GPRC5B: variants seen among roughly 807,000 people sequenced by gnomAD.
GPRC5B encodes G protein-coupled receptor class C group 5 member B, also known as G protein-coupled receptor family C group 5 member B.
Under a neutral mutation model 30.1 loss-of-function variants are expected in GPRC5B, and 16 were observed. The ratio of observed to expected loss-of-function variants is 0.53; its 90% confidence interval spans 0.36 to 0.81. The LOEUF (loss-of-function observed/expected upper bound fraction) is 0.81. Among genes scored for constraint, GPRC5B ranks in the 30% least tolerant of loss-of-function variants. The pLI, the probability that GPRC5B is intolerant of heterozygous loss-of-function variation, is 0.01. For synonymous variants in GPRC5B, 241 were observed against 239.5 expected, an observed-to-expected ratio of 1.01 and a Z score of -0.06; for missense variants, 428 against 544.7, an observed-to-expected ratio of 0.79 and a Z score of 2.13.
chr16:19,880,510 A>G (rs945248470), intron 1 of GPRC5B, among the ~76,000 whole-genome samples: 108 of 151,438 alleles, frequency 7.1e-4, no homozygotes, highest in African/African-American at 2.5e-3. Flanking sequence ...GTTTTTGTCC[A>G]CTGCTGGCTT....
rs375207470 is a variant in GPRC5B at position 19,872,548 on chromosome 16, G to A, written c.298C>T (p.Leu100Phe). The A allele has an allele frequency of 6.2e-7, 1 of 1,613,982 alleles. No homozygotes were observed. The highest frequency in any genetic ancestry group is 1.3e-5 in the African/African-American group (1 of 74,940). ...CCAAAGAGGCCCAGGGTCCCCAGGA[G>A]GAACAGAAAGTGGAGGCCCACAGGG... The part of the protein sequence containing the change: ...KSPVGLHFLF[L>F]LGTLGLFGLT... Residue 100 changes from leucine to phenylalanine, a missense_variant, in exon 2 of 4, where the codon CTC becomes TTC. Transcript: ENST00000300571. This position sits in a 1 kb window ranked among gnomAD's most constrained non-coding sequence, Gnocchi z 5.0.
At position 19,881,672 on chromosome 16, in the gene GPRC5B, C is replaced by T. The variant is rs1254813692; in HGVS notation, c.-2+3055G>A. 2.6e-5 allele frequency among the ~76,000 whole-genome samples: 4 copies of T among 152,264 alleles called. No individual in the cohort carries two copies. The East Asian group carries it at 7.7e-4, about 29-fold the overall frequency. On this transcript the variant is annotated intron_variant, in intron 1 of 3. Transcript: ENST00000300571. ...TGGTGCACACCTGTAATCCCAGATACTTGGGAGGCTGAGGCAGGAGGATCT... is the reference window on the plus strand; with the variant it reads ...TGGTGCACACCTGTAATCCCAGATATTTGGGAGGCTGAGGCAGGAGGATCT...
intron 1 of GPRC5B, among the ~76,000 whole-genome samples, chr16:19,875,936 A>G (rs1023294755): frequency 6.6e-6 from 1 of 152,232 alleles, no homozygotes; most frequent in Non-Finnish European, 1.5e-5. Context: ...ATCAAAATTT[A>G]AGAACTGGAG....
rs747138882 is a variant in GPRC5B, at chr16:19,872,796, A to G, written c.50T>C (p.Phe17Ser). ...RKMRAHQVLTFLLLFVITSVA... is the reference protein window; with the variant it reads ...RKMRAHQVLTSLLLFVITSVA... ...CGAGGTGATCACGAAGAGCAGGAGGAAGGTGAGCACCTGGTGAGCTCTCAT... is the reference window on the plus strand; with the variant it reads ...CGAGGTGATCACGAAGAGCAGGAGGGAGGTGAGCACCTGGTGAGCTCTCAT... The change falls in exon 2 of 4, where the codon TTC becomes TCC. Residue 17 changes from phenylalanine to serine, a missense_variant. By Grantham distance (155) the Phe-to-Ser change is radical. Coordinates refer to ENST00000300571, the MANE Select transcript of GPRC5B (RefSeq NM_016235.3). The surrounding 1 kb of genome is among the most constrained non-coding windows in gnomAD (Gnocchi z 5.0). The G allele has an allele frequency of 1.2e-6, 2 of 1,613,850 alleles. No individual in the cohort carries two copies. Among genetic ancestry groups the G allele is most frequent in the Non-Finnish European group, 1.7e-6 (2 of 1,179,938 alleles).
intron 1 of GPRC5B, among the ~76,000 whole-genome samples, chr16:19,881,617 A>G (rs1206049659): frequency 1.3e-5 from 2 of 152,104 alleles, no homozygotes; most frequent in African/African-American, 4.8e-5. Context: ...CCCTGTCTCT[A>G]TTACAAATAC....
chr16:19,871,979 G>A lies in GPRC5B; in HGVS notation c.867C>T (p.Ile289=). ...GCAGAAGGGTGCAGTGGATCTCAGG[G>A]ATGGCGTGGAAGATGACGAAGACCC... is the stretch of plus-strand genomic sequence containing the variant. ...SGWVFVIFHA[I]PEIHCTLLPA... is the part of the protein sequence containing the mutation. Residue 289 remains isoleucine, a synonymous_variant, in exon 2 of 4, where the codon ATC becomes ATT. Transcript: ENST00000300571. 2 of 1,614,146 alleles carry A rather than the reference G, an allele frequency of 1.2e-6. No homozygotes were observed. The highest frequency in any genetic ancestry group is 1.7e-6 in the Non-Finnish European group (2 of 1,180,028).
intron 2 of GPRC5B, among the ~76,000 whole-genome samples, chr16:19,863,650 G>A (rs1279469992): frequency 6.6e-6 from 1 of 151,818 alleles, no homozygotes; most frequent in Non-Finnish European, 1.5e-5. Flanking sequence ...CCACAAGCAC[G>A]TGCCACCATG....
chr16:19,866,308 C>T lies in GPRC5B; in HGVS notation c.1031-4335G>A, dbSNP rs896815960. 3.1e-4 allele frequency among the ~76,000 whole-genome samples: 47 copies of T among 152,216 alleles called. 1 individual carries two copies. The highest frequency in any genetic ancestry group is 1.1e-3 in the African/African-American group (44 of 41,536). ...ATTGTGTGTGAGTGTGGAAGCAAACCGTTGCCCCTGGGCAAAGGGATTTTA... is the reference window on the plus strand; with the variant it reads ...ATTGTGTGTGAGTGTGGAAGCAAACTGTTGCCCCTGGGCAAAGGGATTTTA... On this transcript the variant is annotated intron_variant, in intron 2 of 3. Coordinates refer to ENST00000300571, the MANE Select transcript of GPRC5B (RefSeq NM_016235.3).
intron 2 of GPRC5B, among the ~76,000 whole-genome samples, chr16:19,871,155 A>G (rs1026579626): frequency 1.3e-5 from 2 of 151,456 alleles, no homozygotes; most frequent in African/African-American, 4.9e-5. Flanking sequence ...ATGGTGGCGT[A>G]TGCATGCAGT....
Position 19,872,090 on chromosome 16 carries a change from G to A in GPRC5B, c.756C>T (p.Thr252=). The A allele has an allele frequency of 6.2e-7, 1 of 1,614,092 alleles. No homozygotes were observed. Among genetic ancestry groups the A allele is most frequent in the Non-Finnish European group, 8.5e-7 (1 of 1,180,018 alleles). The change falls in exon 2 of 4, where the codon ACC becomes ACT. Residue 252 remains threonine, a synonymous_variant. Transcript: ENST00000300571. This position sits in a 1 kb window ranked among gnomAD's most constrained non-coding sequence, Gnocchi z 5.0. The part of the protein sequence containing the change: ...LSVLIWVAWM[T]MYLFGNVKLQ... ...GCTTGACATTGCCGAAGAGGTACAT[G>A]GTCATCCAGGCCACCCAGATGAGCA...
intron 1 of GPRC5B, among the ~76,000 whole-genome samples, chr16:19,881,923 G>C (rs12920908): frequency 0.63 from 95,604 of 152,162 alleles, 30,661 homozygotes; most frequent in African/African-American, 0.76. Flanking sequence ...ACCTCAAGGC[G>C]TTTCTGCTGC....
chr16:19,860,558 T>G lies in GPRC5B; in HGVS notation c.1168-14A>C. Reference sequence around the variant, plus strand: ...AGCAGTTGGGATCTGGAATAACACATAAGGATAACACACTGAGAACTCTGT... The same window carrying G: ...AGCAGTTGGGATCTGGAATAACACAGAAGGATAACACACTGAGAACTCTGT... On this transcript the variant is annotated splice_polypyrimidine_tract_variant and intron_variant, in intron 3 of 3. Transcript: ENST00000300571. 1 of 1,568,230 alleles carries G rather than the reference T, an allele frequency of 6.4e-7. No homozygotes were observed. Among genetic ancestry groups the G allele is most frequent in the Non-Finnish European group, 8.8e-7 (1 of 1,138,430 alleles).
intron 2 of GPRC5B, among the ~76,000 whole-genome samples, chr16:19,867,510 C>A (rs545979984): frequency 6.6e-6 from 1 of 152,228 alleles, no homozygotes; most frequent in Non-Finnish European, 1.5e-5. Flanking sequence ...GGCCATGATA[C>A]TTGGGTAGCT....
At chr16:19,866,930 A>G (rs1043787074) in intron 2 of GPRC5B, among the ~76,000 whole-genome samples, 1 of 152,048 alleles carries the variant, frequency 6.6e-6, no homozygotes, top group Admixed American at 6.6e-5. Flanking sequence ...GCTGACACCA[A>G]CCTGGGTCCC....
rs533635563 is a variant in GPRC5B, at chr16:19,859,655, G to A, written c.*845C>T. Reference sequence around the variant, plus strand: ...TGAAATGAATAAGGGAATAAAATTGGGAGAGGATTTGGAGATACACCCGTA... The same window carrying A: ...TGAAATGAATAAGGGAATAAAATTGAGAGAGGATTTGGAGATACACCCGTA... On this transcript the variant is annotated 3_prime_UTR_variant, in exon 4 of 4. Coordinates refer to ENST00000300571, the MANE Select transcript of GPRC5B (RefSeq NM_016235.3). The A allele has an allele frequency of 3.3e-5, 5 of 152,232 alleles. No homozygotes were observed. Among genetic ancestry groups the A allele is most frequent in the Non-Finnish European group, 7.3e-5 (5 of 68,054 alleles). The allele number at this position is 152,232 out of a possible 1,614,324, so 9.4% of individuals were successfully genotyped here.
chr16:19,858,585 A>G lies in GPRC5B; in HGVS notation c.*1915T>C. ...TGTAATGCTGTCGTTTTTTCACCGG[A>G]CAGGACCGAGGTGTTTGAAGATTTC... On this transcript the variant is annotated 3_prime_UTR_variant, in exon 4 of 4. Transcript: ENST00000300571. The G allele has an allele frequency of 1.5e-6, 1 of 648,986 alleles. No individual in the cohort carries two copies. Among genetic ancestry groups the G allele is most frequent in the Non-Finnish European group, 2.8e-6 (1 of 358,424 alleles). 40.2% of individuals were successfully genotyped at this position (648,986 alleles called of 1,614,324 possible). A position where few individuals can be genotyped will look rare whatever the true frequency, so the allele number is the denominator to read the frequency against.
At chr16:19,860,907 T>G (rs1179542755) in intron 3 of GPRC5B, among the ~76,000 whole-genome samples, 3 of 152,016 alleles carry the variant, frequency 2.0e-5, no homozygotes, top group East Asian at 3.9e-4. Flanking sequence ...TGAATCAGGC[T>G]TTTCTTGGCT....
At chr16:19,861,102 A>AG (rs1455067932) in intron 3 of GPRC5B, among the ~76,000 whole-genome samples, 6 of 151,862 alleles carry the variant, frequency 4.0e-5, no homozygotes, top group Non-Finnish European at 7.4e-5. Context: ...AAAAAAAAAA[A>AG]AAGAAGAATG....
rs144014758 is a variant in GPRC5B at position 19,872,711 on chromosome 16, G to T, written c.135C>A (p.Tyr45Ter). ...RGCGLDLLPQ[Y>*]VSLCDLDAIW... is the part of the protein sequence containing the mutation. Reference sequence around the variant, plus strand: ...TGGCGTCCAGGTCGCACAGGGACACGTACTGAGGGAGGAGGTCCAGCCCAC... The same window carrying T: ...TGGCGTCCAGGTCGCACAGGGACACTTACTGAGGGAGGAGGTCCAGCCCAC... The change falls in exon 2 of 4, where the codon TAC becomes TAA. Residue 45 changes from tyrosine (Y) to a stop codon, truncating the protein, a stop_gained. Transcript: ENST00000300571. LOFTEE classifies it high-confidence loss of function. The surrounding 1 kb of genome is among the most constrained non-coding windows in gnomAD (Gnocchi z 5.0). 1.2e-5 allele frequency: 19 copies of T among 1,613,816 alleles called. No individual in the cohort carries two copies. The highest frequency in any genetic ancestry group is 1.6e-5 in the Non-Finnish European group (19 of 1,180,040).
Sources: gnomAD v4.1 joint callset for allele counts (sites outside exome capture counted in the v4.1 genomes callset) on GRCh38, gnomAD v4.1.1 for gene constraint, Gnocchi (gnomAD v3.1) non-coding constraint, MANE v1.5 for transcripts, NCBI Gene and HGNC (gene_info 2026-07-23, HGNC 2026-07-21) for gene names.